The following PREP variants were observed in gnomAD, a reference collection of about 807,000 sequenced individuals.
The protein encoded by PREP is dJ355L5.1 (prolyl endopeptidase).
Under a neutral mutation model 87.6 loss-of-function variants are expected in PREP, and 29 were observed. The observed-to-expected ratio is 0.33, with a 90% CI of 0.25 to 0.45. The LOEUF (loss-of-function observed/expected upper bound fraction) is 0.45. Ranked by LOEUF, PREP falls within the 20% of genes least tolerant of loss-of-function variation. The pLI is 1.00. For synonymous variants in PREP, 337 were observed against 328.6 expected, an observed-to-expected ratio of 1.03 and a Z score of -0.28; for missense variants, 695 against 886.5, an observed-to-expected ratio of 0.78 and a Z score of 2.74.
intron 10 of PREP, among the ~76,000 whole-genome samples, chr6:105,313,722 G>A (rs1770805357): frequency 1.3e-5 from 2 of 152,140 alleles, no homozygotes; most frequent in South Asian, 4.1e-4. Flanking sequence ...AGAGGTCTTG[G>A]GCTACAATTT....
Position 105,276,025 on chromosome 6 carries a change from A to G in PREP, c.*2119T>C, listed in dbSNP as rs1477675389. 6.6e-6 allele frequency among the ~76,000 whole-genome samples: 1 copy of G among 152,234 alleles called. No individual in the cohort carries two copies. Among genetic ancestry groups the G allele is most frequent in the Non-Finnish European group, 1.5e-5 (1 of 68,040 alleles). Reference sequence around the variant, plus strand: ...ATAGCTAGAAGAGAGTAATCATAAGAAAGAGCCAAAGGGCAGAGCACAGGA... The same window carrying G: ...ATAGCTAGAAGAGAGTAATCATAAGGAAGAGCCAAAGGGCAGAGCACAGGA... On this transcript the variant is annotated 3_prime_UTR_variant, in exon 15 of 15. Coordinates refer to ENST00000652536, the MANE Select transcript of PREP (RefSeq NM_002726.5).
intron 4 of PREP, among the ~76,000 whole-genome samples, 183 bp downstream of exon 4, chr6:105,375,942 G>C (rs761736109): frequency 2.6e-4 from 40 of 152,188 alleles, no homozygotes; most frequent in Non-Finnish European, 4.0e-4. Flanking sequence ...AAAGAGGAAT[G>C]TGACTATTCA....
intron 3 of PREP, among the ~76,000 whole-genome samples, 161 bp from the exon 4 acceptor site, chr6:105,376,416 T>C (rs1772688907): frequency 6.6e-6 from 1 of 152,222 alleles, no homozygotes. Context: ...AAAGGTTCCA[T>C]CATTTCTCTC....
chr6:105,383,914 G>A (rs1772917687), intron 2 of PREP, among the ~76,000 whole-genome samples: 2 of 152,004 alleles, frequency 1.3e-5, no homozygotes, highest in African/African-American at 2.4e-5. Context: ...ATATCTGATC[G>A]TGAGGACATT....
intron 11 of PREP, 83 bp downstream of exon 11, chr6:105,288,675 G>A: frequency 6.5e-7 from 1 of 1,532,296 alleles, no homozygotes. Flanking sequence ...ATTTTAGAAA[G>A]TTGATTTAGT....
intron 4 of PREP, among the ~76,000 whole-genome samples, chr6:105,375,465 G>C (rs1207930958): frequency 6.6e-6 from 1 of 152,186 alleles, no homozygotes; most frequent in Non-Finnish European, 1.5e-5. Flanking sequence ...CTAGAACTCT[G>C]CTTACTGCAG....
chr6:105,290,389 C>T (rs1311654227), intron 10 of PREP, among the ~76,000 whole-genome samples: 1 of 152,194 alleles, frequency 6.6e-6, no homozygotes, highest in Non-Finnish European at 1.5e-5. Context: ...AGCAAACCGT[C>T]TCACATGATG....
At chr6:105,322,096 C>T (rs974928596) in intron 10 of PREP, among the ~76,000 whole-genome samples, 8 of 152,044 alleles carry the variant, frequency 5.3e-5, no homozygotes, top group Admixed American at 2.0e-4. Context: ...AAAAAAAGAG[C>T]AAAGAATGCC....
chr6:105,387,804 T>C (rs1773042253), intron 2 of PREP, among the ~76,000 whole-genome samples: 1 of 152,160 alleles, frequency 6.6e-6, no homozygotes, highest in South Asian at 2.1e-4. Flanking sequence ...TGGCCTCCTT[T>C]CTGCTCCAAT....
chr6:105,342,928 T>C (rs1250905707), intron 7 of PREP, among the ~76,000 whole-genome samples: 1 of 152,144 alleles, frequency 6.6e-6, no homozygotes, highest in African/African-American at 2.4e-5. Context: ...GAAGAATCAA[T>C]ATTGTGAAAA....
At chr6:105,378,324 T>C (rs1772745940) in intron 2 of PREP, among the ~76,000 whole-genome samples, 1 of 152,166 alleles carries the variant, frequency 6.6e-6, no homozygotes, top group Admixed American at 6.5e-5. Flanking sequence ...TCAGGCGTGG[T>C]GGTGGGTGCC....
intron 8 of PREP, 33 bp from the exon 9 acceptor site, chr6:105,329,059 A>G: frequency 6.4e-7 from 1 of 1,568,962 alleles, no homozygotes; most frequent in Non-Finnish European, 8.8e-7. Context: ...AACCTAATGC[A>G]ATTTAAAAAA....
intron 7 of PREP, among the ~76,000 whole-genome samples, chr6:105,335,968 T>G (rs905214461): frequency 6.6e-6 from 1 of 152,030 alleles, no homozygotes; most frequent in Non-Finnish European, 1.5e-5. Context: ...TTAAAATAAG[T>G]GATTTGAGGC....
chr6:105,386,515 C>T (rs746294497), intron 2 of PREP, among the ~76,000 whole-genome samples: 4 of 151,992 alleles, frequency 2.6e-5, no homozygotes, highest in Non-Finnish European at 4.4e-5. Context: ...GGAAGAGTCC[C>T]AGAAATTTTG....
At chr6:105,398,571 G>A (rs1046530219) in intron 1 of PREP, among the ~76,000 whole-genome samples, 4 of 152,052 alleles carry the variant, frequency 2.6e-5, no homozygotes, top group African/African-American at 9.7e-5. Context: ...ACAAAAAGAA[G>A]GTGCAAAAGC....
intron 12 of PREP, among the ~76,000 whole-genome samples, chr6:105,284,912 A>G (rs1050177164): frequency 9.9e-5 from 15 of 152,246 alleles, no homozygotes; most frequent in African/African-American, 3.4e-4. Context: ...ATAAAACTAG[A>G]AAAATGATTG....
intron 10 of PREP, among the ~76,000 whole-genome samples, chr6:105,314,135 C>T (rs1328344130): frequency 6.6e-6 from 1 of 152,174 alleles, no homozygotes; most frequent in Non-Finnish European, 1.5e-5. Context: ...AAAGTACCTA[C>T]CTTAATTTAA....
chr6:105,288,515 A>G (rs1423535606), intron 11 of PREP, among the ~76,000 whole-genome samples: 2 of 152,116 alleles, frequency 1.3e-5, no homozygotes, highest in African/African-American at 2.4e-5. Context: ...CACCACGTCC[A>G]GCTAATATTT....
intron 2 of PREP, among the ~76,000 whole-genome samples, chr6:105,386,984 G>A (rs899513557): frequency 2.6e-5 from 4 of 152,190 alleles, no homozygotes; most frequent in African/African-American, 9.6e-5. Context: ...AGGCCAAGGT[G>A]GGCGGATCAC....
Sources: allele counts gnomAD v4.1 joint callset (sites outside exome capture counted in the v4.1 genomes callset), GRCh38; gene constraint gnomAD v4.1.1; transcripts MANE v1.5; gene names NCBI Gene and HGNC (gene_info 2026-07-23, HGNC 2026-07-21).